Variants in NOS1AP observed in about 807,000 individuals in gnomAD.
The protein encoded by NOS1AP is nitric oxide synthase 1 adaptor protein.
In NOS1AP, 21 loss-of-function variants were observed where a neutral mutation model predicts 56.2. That is an observed-to-expected ratio of 0.37 (90% CI 0.26 to 0.54). The LOEUF (loss-of-function observed/expected upper bound fraction) is 0.54, where lower values mean the gene tolerates loss of function less well. Ranked by LOEUF, NOS1AP falls within the 20% of genes least tolerant of loss-of-function variation. The pLI is 0.84. For missense variants in NOS1AP, 522 were observed against 657.8 expected, an observed-to-expected ratio of 0.79 and a Z score of 2.26; for synonymous variants, 270 against 274.6, an observed-to-expected ratio of 0.98 and a Z score of 0.17.
At chr1:162,119,914 G>A (rs1049719597) in intron 1 of NOS1AP, among the ~76,000 whole-genome samples, 13 of 152,166 alleles carry the variant, frequency 8.5e-5, no homozygotes, top group Non-Finnish European at 1.3e-4. Flanking sequence ...ATGGCATGGG[G>A]GAGGCAGCAG....
chr1:162,302,141 GT>G (rs1655684935), intron 4 of NOS1AP, among the ~76,000 whole-genome samples: 1 of 152,122 alleles, frequency 6.6e-6, no homozygotes. Flanking sequence ...TGAAATACTT[GT>G]TATAGTGTTT....
intron 2 of NOS1AP, among the ~76,000 whole-genome samples, chr1:162,177,880 T>C (rs115762917): frequency 0.035 from 5,375 of 152,204 alleles, 138 homozygotes; most frequent in Non-Finnish European, 0.049. Flanking sequence ...GACATGAGGG[T>C]TCATTCTTGG....
intron 6 of NOS1AP, among the ~76,000 whole-genome samples, chr1:162,352,136 T>A (rs1335075228): frequency 6.6e-6 from 1 of 152,138 alleles, no homozygotes; most frequent in Non-Finnish European, 1.5e-5. Flanking sequence ...CTCAGCTGAC[T>A]GCAACCTCCG....
chr1:162,091,948 C>T (rs143703780), intron 1 of NOS1AP, among the ~76,000 whole-genome samples: 11 of 152,208 alleles, frequency 7.2e-5, no homozygotes, highest in African/African-American at 2.2e-4. Flanking sequence ...TATAGAATCA[C>T]GGAGTGCTGG....
chr1:162,296,660 A>G (rs1159039145), intron 3 of NOS1AP, among the ~76,000 whole-genome samples: 2 of 152,186 alleles, frequency 1.3e-5, no homozygotes, highest in African/African-American at 4.8e-5. Context: ...CTGTCCTCCT[A>G]TTCACATCTG....
intron 5 of NOS1AP, among the ~76,000 whole-genome samples, chr1:162,341,581 A>C (rs994053074): frequency 2.6e-5 from 4 of 152,234 alleles, no homozygotes; most frequent in Admixed American, 6.5e-5. Context: ...CCCAAGAGTC[A>C]GAGAAGAAAG....
At chr1:162,122,176 C>A (rs1027724861) in intron 1 of NOS1AP, among the ~76,000 whole-genome samples, 15 of 152,204 alleles carry the variant, frequency 9.9e-5, no homozygotes, top group African/African-American at 3.4e-4. Context: ...TAAAGCAAGA[C>A]ACGTGATCTG....
Position 162,264,465 on chromosome 1 carries a change from C to CTTCTCTTCTCTTCTCTT in NOS1AP, c.178-22879_178-22878insTTCTCTTCTCTTCTCTT, listed in dbSNP as rs1189328918. Among the ~76,000 whole-genome samples the CTTCTCTTCTCTTCTCTT allele has an allele frequency of 4.3e-3, 126 of 29,602 alleles. 2 individuals carry two copies. The highest frequency in any genetic ancestry group is 4.8e-3 in the Non-Finnish European group (71 of 14,752). The allele number at this position is 29,602 out of a possible 152,430, so 19.4% of individuals were successfully genotyped here. On this transcript the variant is annotated intron_variant, in intron 2 of 9. Transcript: ENST00000361897. ...CTTCTCTTCTCTTCTCTTCTCTTCTCCTCCCCTCCCCTCCCCTCCCCTCTC... is the reference window on the plus strand; with the variant it reads ...CTTCTCTTCTCTTCTCTTCTCTTCTCTTCTCTTCTCTTCTCTTCTCCCCTCCCCTCCCCTCCCCTCTC...
chr1:162,131,878 A>G (rs1021322579), intron 1 of NOS1AP, among the ~76,000 whole-genome samples: 3 of 152,360 alleles, frequency 2.0e-5, no homozygotes, highest in Non-Finnish European at 4.4e-5. Context: ...AACTTTGGGC[A>G]AGTATCTACA....
intron 2 of NOS1AP, among the ~76,000 whole-genome samples, chr1:162,176,824 A>G (rs1230073268): frequency 6.6e-6 from 1 of 152,170 alleles, no homozygotes; most frequent in Non-Finnish European, 1.5e-5. Context: ...GCTGAACAGT[A>G]TTCCATAATA....
intron 1 of NOS1AP, among the ~76,000 whole-genome samples, chr1:162,144,921 G>A (rs1234241066): frequency 6.6e-6 from 1 of 152,202 alleles, no homozygotes; most frequent in Non-Finnish European, 1.5e-5. Context: ...ACGCTGGTTG[G>A]ATCGTTCTGT....
intron 2 of NOS1AP, among the ~76,000 whole-genome samples, chr1:162,170,188 C>T (rs544549123): frequency 6.6e-6 from 1 of 152,282 alleles, no homozygotes. Context: ...ACATGTGTCC[C>T]CTGAAGGATA....
intron 1 of NOS1AP, among the ~76,000 whole-genome samples, chr1:162,110,981 T>C (rs1248101232): frequency 6.6e-6 from 1 of 152,232 alleles, no homozygotes; most frequent in Non-Finnish European, 1.5e-5. Flanking sequence ...GCATTTACTC[T>C]ATGCCAGGTA....
Position 162,094,330 on chromosome 1 carries a change from T to C in NOS1AP, c.105+24048T>C, listed in dbSNP as rs528425454. ...TTTCATCTTTCATCAAGACAGCAGATGGACTGGTAGGGAGAGTGATATTTG... is the reference window on the plus strand; with the variant it reads ...TTTCATCTTTCATCAAGACAGCAGACGGACTGGTAGGGAGAGTGATATTTG... On this transcript the variant is annotated intron_variant, in intron 1 of 9. Coordinates refer to ENST00000361897, the MANE Select transcript of NOS1AP (RefSeq NM_014697.3). Among the ~76,000 whole-genome samples, 12 of 152,298 alleles carry C rather than the reference T, an allele frequency of 7.9e-5. No individual in the cohort carries two copies. In the South Asian group the frequency reaches 2.5e-3, roughly 32 times the overall value.
chr1:162,333,301 T>C (rs1021788267), intron 5 of NOS1AP, among the ~76,000 whole-genome samples, 176 bp downstream of exon 5: 13 of 152,200 alleles, frequency 8.5e-5, no homozygotes, highest in Admixed American at 7.2e-4. Flanking sequence ...CATCTGAACT[T>C]TGTACTTAGT....
At position 162,273,160 on chromosome 1, in the gene NOS1AP, CTT is replaced by C. The variant is rs11429407; in HGVS notation, c.178-14164_178-14163del. On this transcript the variant is annotated intron_variant, in intron 2 of 9. Transcript: ENST00000361897. ...CAGGACAACTCTGGAAGCCCTTGTT[CTT>C]TTTTTTTTTTTTTTTTTTTGAGACG... Among the ~76,000 whole-genome samples, 228 of 106,192 alleles carry C rather than the reference CTT, an allele frequency of 2.1e-3. 2 individuals are homozygous for C. Among genetic ancestry groups the C allele is most frequent in the Middle Eastern group, 0.013 (2 of 160 alleles). 69.7% of individuals were successfully genotyped at this position (106,192 alleles called of 152,430 possible). A position where few individuals can be genotyped will look rare whatever the true frequency, so the allele number is the denominator to read the frequency against.
intron 2 of NOS1AP, among the ~76,000 whole-genome samples, chr1:162,193,299 T>C (rs1266885058): frequency 2.0e-5 from 3 of 152,128 alleles, no homozygotes; most frequent in African/African-American, 7.2e-5. Context: ...TCAGGGCTCT[T>C]CCAGGCTGAA....
chr1:162,196,447 G>A (rs1651810126), intron 2 of NOS1AP, among the ~76,000 whole-genome samples: 1 of 152,216 alleles, frequency 6.6e-6, no homozygotes, highest in Admixed American at 6.5e-5. Context: ...GTATGTTGCG[G>A]GGATTTCAGA....
chr1:162,240,964 C>G (rs936933969), intron 2 of NOS1AP, among the ~76,000 whole-genome samples: 4 of 152,130 alleles, frequency 2.6e-5, no homozygotes, highest in African/African-American at 9.7e-5. Flanking sequence ...TGGGGTGTGG[C>G]TGTTCAAGGG....
Sources: gnomAD v4.1 joint callset for allele counts (sites outside exome capture counted in the v4.1 genomes callset) on GRCh38, gnomAD v4.1.1 for gene constraint, MANE v1.5 for transcripts, NCBI Gene and HGNC (gene_info 2026-07-23, HGNC 2026-07-21) for gene names.